RALGPS2: variants seen among roughly 807,000 people sequenced by gnomAD.
RALGPS2 encodes ras-specific guanine nucleotide-releasing factor RalGPS2.
Under a neutral mutation model 86.8 loss-of-function variants are expected in RALGPS2, and 43 were observed. The observed-to-expected ratio is 0.50, with a 90% CI of 0.39 to 0.64. The LOEUF (loss-of-function observed/expected upper bound fraction) is 0.64. Among genes scored for constraint, RALGPS2 ranks in the 30% least tolerant of loss-of-function variants. The pLI is 0.00. For missense variants in RALGPS2, 536 were observed against 694.6 expected (o/e 0.77, Z 2.57); for synonymous variants, 243 against 231.3 (o/e 1.05, Z -0.46).
chr1:178,859,126 A>G (rs533115167), intron 8 of RALGPS2, among the ~76,000 whole-genome samples: 2 of 134,464 alleles, frequency 1.5e-5, no homozygotes, highest in South Asian at 2.2e-4. Flanking sequence ...TTTAAACTGT[A>G]TTTAGCAACC....
chr1:178,793,720 A>G (rs1259187484), intron 4 of RALGPS2, among the ~76,000 whole-genome samples: 1 of 152,198 alleles, frequency 6.6e-6, no homozygotes, highest in East Asian at 1.9e-4. Flanking sequence ...TTAGAGATTG[A>G]TAAATGACCA....
chr1:178,751,942 GATAGA>G (rs1276157234), intron 1 of RALGPS2, among the ~76,000 whole-genome samples: 3 of 152,208 alleles, frequency 2.0e-5, no homozygotes, highest in African/African-American at 7.2e-5. Context: ...GTCGGTTGCT[GATAGA>G]ATAGATTCCT....
intron 8 of RALGPS2, chr1:178,850,553 G>A (rs896099081): frequency 6.6e-6 from 1 of 151,870 alleles, no homozygotes; most frequent in African/African-American, 2.4e-5. Flanking sequence ...TATGGGTCAT[G>A]TTTTGGGAAA....
intron 8 of RALGPS2, among the ~76,000 whole-genome samples, chr1:178,838,933 A>G (rs1158098383): frequency 1.3e-5 from 2 of 152,196 alleles, no homozygotes; most frequent in Admixed American, 1.3e-4. Context: ...GATCAAATGA[A>G]TGAAATGAAG....
chr1:178,913,843 C>G (rs1660713098), intron 19 of RALGPS2, among the ~76,000 whole-genome samples: 1 of 152,122 alleles, frequency 6.6e-6, no homozygotes, highest in Non-Finnish European at 1.5e-5. Context: ...AGGTCGACCA[C>G]CGGCTGCACT....
At chr1:178,898,695 G>A (rs1660044535) in intron 17 of RALGPS2, among the ~76,000 whole-genome samples, 1 of 151,766 alleles carries the variant, frequency 6.6e-6, no homozygotes, top group Non-Finnish European at 1.5e-5. Context: ...TTTTTTAACT[G>A]TACCTCAGTG....
chr1:178,855,404 A>G (rs1182070277), intron 8 of RALGPS2, among the ~76,000 whole-genome samples: 1 of 151,820 alleles, frequency 6.6e-6, no homozygotes, highest in African/African-American at 2.4e-5. Flanking sequence ...GAAATTGAAA[A>G]GTACACGCAA....
chr1:178,763,409 C>A (rs373958759), intron 1 of RALGPS2, among the ~76,000 whole-genome samples: 24 of 152,258 alleles, frequency 1.6e-4, no homozygotes, highest in East Asian at 7.7e-4. Flanking sequence ...ATAGGAATAC[C>A]ATTGAATCTT....
At chr1:178,853,903 A>T in intron 8 of RALGPS2, 1 of 607,424 alleles carries the variant, frequency 1.6e-6, no homozygotes, top group Non-Finnish European at 2.6e-6. Flanking sequence ...ATTGTTTATC[A>T]TATATACAAT....
intron 4 of RALGPS2, among the ~76,000 whole-genome samples, chr1:178,790,551 C>T (rs1443220762): frequency 6.6e-6 from 1 of 152,096 alleles, no homozygotes; most frequent in South Asian, 2.1e-4. Context: ...CATGCTATTG[C>T]AGTTTCAAAT....
At chr1:178,792,176 T>TA (rs1460898440) in intron 4 of RALGPS2, among the ~76,000 whole-genome samples, 1 of 152,180 alleles carries the variant, frequency 6.6e-6, no homozygotes, top group Admixed American at 6.5e-5. Context: ...GACAGGCAAA[T>TA]ATGTTTACCA....
At chr1:178,911,900 G>A (rs1660643853) in intron 19 of RALGPS2, among the ~76,000 whole-genome samples, 1 of 152,180 alleles carries the variant, frequency 6.6e-6, no homozygotes, top group South Asian at 2.1e-4. Flanking sequence ...AATGTTGGGT[G>A]CATGTATCTT....
intron 8 of RALGPS2, among the ~76,000 whole-genome samples, chr1:178,856,846 C>T (rs1174784638): frequency 6.6e-6 from 1 of 152,126 alleles, no homozygotes; most frequent in African/African-American, 2.4e-5. Context: ...ACCTCATGTT[C>T]TGCAAATTCA....
At chr1:178,858,824 C>T (rs73039847) in intron 8 of RALGPS2, among the ~76,000 whole-genome samples, 7,976 of 152,226 alleles carry the variant, frequency 0.052, 732 homozygotes, top group African/African-American at 0.18. Flanking sequence ...TGGGAGCCAT[C>T]TGTAACATAT....
At position 178,726,850 on chromosome 1, in the gene RALGPS2, A is replaced by T. The variant is rs186384031; in HGVS notation, c.-84+1431A>T. On this transcript the variant is annotated intron_variant, in intron 1 of 19. Coordinates refer to ENST00000367635, the MANE Select transcript of RALGPS2 (RefSeq NM_152663.5). ...CTGTTAGACAGATCATAGCTTGCTC[A>T]TTATAAAGCCTGTTCCACTCAAGAT... 3.7e-3 allele frequency among the ~76,000 whole-genome samples: 558 copies of T among 152,346 alleles called. 4 individuals are homozygous for T. The highest frequency in any genetic ancestry group is 0.013 in the African/African-American group (524 of 41,576).
At position 178,742,418 on chromosome 1, in the gene RALGPS2, A is replaced by T. The variant is rs75016369; in HGVS notation, c.-84+16999A>T. On this transcript the variant is annotated intron_variant, in intron 1 of 19. Transcript: ENST00000367635. Reference sequence around the variant, plus strand: ...TTAATCAAGAGGATGTAATAGTTCTAAACATTTATGCCCCTAATAACAGAA... The same window carrying T: ...TTAATCAAGAGGATGTAATAGTTCTTAACATTTATGCCCCTAATAACAGAA... Among the ~76,000 whole-genome samples, 304 of 152,294 alleles carry T rather than the reference A, an allele frequency of 2.0e-3. 4 individuals are homozygous for T. The highest frequency in any genetic ancestry group is 0.013 in the East Asian group (68 of 5,184).
intron 19 of RALGPS2, among the ~76,000 whole-genome samples, chr1:178,914,594 C>A (rs1295675062): frequency 1.3e-5 from 2 of 152,068 alleles, no homozygotes; most frequent in Non-Finnish European, 2.9e-5. Context: ...TGCTGGTCTA[C>A]TAGATACTCA....
intron 1 of RALGPS2, among the ~76,000 whole-genome samples, chr1:178,763,956 G>A (rs1652374917): frequency 6.6e-6 from 1 of 151,972 alleles, no homozygotes; most frequent in Non-Finnish European, 1.5e-5. Flanking sequence ...CAGATGAGAA[G>A]AATGTATATT....
chr1:178,741,552 T>C (rs958844310), intron 1 of RALGPS2, among the ~76,000 whole-genome samples: 2 of 152,230 alleles, frequency 1.3e-5, no homozygotes, highest in African/African-American at 2.4e-5. Flanking sequence ...AAGATGTGAT[T>C]CTTGGTAAAG....
Sources: allele counts gnomAD v4.1 joint callset (sites outside exome capture counted in the v4.1 genomes callset), GRCh38; gene constraint gnomAD v4.1.1; transcripts MANE v1.5; gene names NCBI Gene and HGNC (gene_info 2026-07-23, HGNC 2026-07-21).